Variants in DMD observed in about 807,000 individuals in gnomAD.
DMD encodes dystrophin, also known as mutant dystrophin.
DMD carries 63 observed loss-of-function variants against 330.1 expected under a neutral mutation model. The ratio of observed to expected loss-of-function variants is 0.19; its 90% CI spans 0.16 to 0.24. The LOEUF (loss-of-function observed/expected upper bound fraction) is 0.24. Among genes scored for constraint, DMD ranks in the 10% least tolerant of loss-of-function variants. The pLI is 1.00. For synonymous variants in DMD, 1,223 were observed against 959.8 expected (o/e 1.27, Z -5.07); for missense variants, 3,344 against 2,684.1 (o/e 1.25, Z -5.43).
At chrX:31,316,005 G>A (rs2055976825) in intron 62 of DMD, among the ~76,000 whole-genome samples, 1 of 112,090 alleles carries the variant, frequency 8.9e-6, no homozygotes, top group South Asian at 3.7e-4. Flanking sequence ...AGCTGAGAGT[G>A]GTCCCAGGCA....
intron 22 of DMD, among the ~76,000 whole-genome samples, chrX:32,470,821 T>G (rs1198763578): frequency 1.8e-5 from 2 of 112,332 alleles, no homozygotes; most frequent in Admixed American, 1.9e-4. Flanking sequence ...CAAAAAAATA[T>G]TTAATTATCC....
chrX:31,133,440 A>G lies in DMD; in HGVS notation c.11014+662T>C, dbSNP rs919739157. Reference sequence around the variant, plus strand: ...AAGACATCTGAAGCTCATGCAAGCCAGTGGGAAAATTCTGCAGGGTAAAAT... The same window carrying G: ...AAGACATCTGAAGCTCATGCAAGCCGGTGGGAAAATTCTGCAGGGTAAAAT... On this transcript the variant is annotated intron_variant, in intron 77 of 78. Coordinates refer to ENST00000357033, the MANE Select transcript of DMD (RefSeq NM_004006.3). Among the ~76,000 whole-genome samples, 6 of 112,120 alleles carry G rather than the reference A, an allele frequency of 5.4e-5. No individual in the cohort carries two copies. In the East Asian group the frequency reaches 1.7e-3, roughly 31 times the overall value.
At chrX:31,647,446 A>G (rs1305787859) in intron 54 of DMD, among the ~76,000 whole-genome samples, 1 of 112,126 alleles carries the variant, frequency 8.9e-6, no homozygotes, top group East Asian at 2.8e-4. Flanking sequence ...TCAACAAAAC[A>G]TATCTCACTA....
intron 51 of DMD, among the ~76,000 whole-genome samples, chrX:31,769,198 C>T (rs928934188): frequency 4.5e-5 from 5 of 111,733 alleles, no homozygotes; most frequent in Non-Finnish European, 7.5e-5. Flanking sequence ...AATTACTGCA[C>T]GTCTAAGGTT....
intron 1 of DMD, among the ~76,000 whole-genome samples, chrX:33,257,370 T>C (rs1037984348): frequency 9.0e-6 from 1 of 110,867 alleles, no homozygotes; most frequent in Non-Finnish European, 1.9e-5. Flanking sequence ...CTGAAACCAA[T>C]GTGATTTTCC....
chrX:31,218,597 T>A (rs1424948513), intron 64 of DMD, among the ~76,000 whole-genome samples: 1 of 112,014 alleles, frequency 8.9e-6, no homozygotes, highest in Non-Finnish European at 1.9e-5. Flanking sequence ...TGGTTTACTT[T>A]CATTCATGCA....
At chrX:33,243,734 C>T (rs935533215) in intron 1 of DMD, among the ~76,000 whole-genome samples, 6 of 111,874 alleles carry the variant, frequency 5.4e-5, no homozygotes, top group African/African-American at 9.7e-5. Flanking sequence ...TCTTTTGCAA[C>T]AACATGGATG....
intron 44 of DMD, among the ~76,000 whole-genome samples, chrX:32,095,246 A>G (rs1361832964): frequency 8.9e-6 from 1 of 111,903 alleles, no homozygotes; most frequent in Non-Finnish European, 1.9e-5. Flanking sequence ...TTCACTAGTT[A>G]AAATGTACCT....
intron 2 of DMD, among the ~76,000 whole-genome samples, chrX:33,009,528 G>A (rs1166574061): frequency 3.5e-5 from 3 of 85,860 alleles, no homozygotes; most frequent in Non-Finnish European, 6.9e-5. Flanking sequence ...ATGTGTGTAT[G>A]TGTGTATGTG....
At chrX:33,259,359 A>C (rs1437250183) in intron 1 of DMD, among the ~76,000 whole-genome samples, 1 of 110,019 alleles carries the variant, frequency 9.1e-6, no homozygotes, top group East Asian at 2.9e-4. Flanking sequence ...ATTAGGTTTC[A>C]CTCAGTGTTG....
chrX:32,535,613 C>G (rs2047878634), intron 17 of DMD, among the ~76,000 whole-genome samples: 1 of 111,570 alleles, frequency 9.0e-6, no homozygotes, highest in Non-Finnish European at 1.9e-5. Flanking sequence ...TTCTCCAGCT[C>G]TAGGGATATT....
chrX:32,832,108 C>T (rs1331867263), intron 4 of DMD, among the ~76,000 whole-genome samples: 2 of 111,401 alleles, frequency 1.8e-5, no homozygotes, highest in African/African-American at 6.5e-5. Flanking sequence ...GAAGGAGTCA[C>T]TTTTGTTCCC....
chrX:31,997,133 T>C (rs1362817916), intron 44 of DMD, among the ~76,000 whole-genome samples: 1 of 111,652 alleles, frequency 9.0e-6, no homozygotes, highest in African/African-American at 3.3e-5. Flanking sequence ...GCTGCCTGCA[T>C]TGGCAAGAAT....
chrX:31,766,630 A>AC (rs2090013751), intron 51 of DMD, among the ~76,000 whole-genome samples: 1 of 112,199 alleles, frequency 8.9e-6, no homozygotes. Context: ...TTTATGGAAA[A>AC]CACAGTACAG....
At chrX:32,224,843 C>G (rs1248530753) in intron 43 of DMD, among the ~76,000 whole-genome samples, 2 of 111,786 alleles carry the variant, frequency 1.8e-5, no homozygotes, top group Non-Finnish European at 3.8e-5. Context: ...AGCTTAGGAA[C>G]TCATTCTCAT....
At chrX:31,173,187 TATAATA>T (rs2040175551) in intron 72 of DMD, among the ~76,000 whole-genome samples, 1 of 111,533 alleles carries the variant, frequency 9.0e-6, no homozygotes, top group Non-Finnish European at 1.9e-5. Context: ...ATATTCTCCA[TATAATA>T]TAGTATCATT....
At chrX:32,191,489 C>A (rs1454551540) in intron 44 of DMD, among the ~76,000 whole-genome samples, 1 of 111,602 alleles carries the variant, frequency 9.0e-6, no homozygotes, top group East Asian at 2.8e-4. Context: ...TCCCTCTGTT[C>A]TCTCCTCAAT....
chrX:31,989,759 A>G (rs1234878169), intron 44 of DMD, among the ~76,000 whole-genome samples: 1 of 111,798 alleles, frequency 8.9e-6, no homozygotes, highest in Non-Finnish European at 1.9e-5. Context: ...TTTAAAAATG[A>G]GAAAGCTTGA....
intron 50 of DMD, among the ~76,000 whole-genome samples, chrX:31,792,329 T>G (rs1310119276): frequency 8.9e-6 from 1 of 112,586 alleles, no homozygotes; most frequent in Non-Finnish European, 1.9e-5. Flanking sequence ...TATTTCTTAG[T>G]ATATCACATC....
Sources: gnomAD v4.1 joint callset for allele counts (sites outside exome capture counted in the v4.1 genomes callset) on GRCh38, gnomAD v4.1.1 for gene constraint, MANE v1.5 for transcripts, NCBI Gene and HGNC (gene_info 2026-07-23, HGNC 2026-07-21) for gene names.